The following RDX variants were observed in gnomAD, a reference collection of about 807,000 sequenced individuals.
The protein encoded by RDX is deafness, autosomal recessive 24.
A neutral mutation model predicts 83.7 loss-of-function variants in RDX; 32 were observed. The ratio of observed to expected loss-of-function variants is 0.38; its 90% CI spans 0.29 to 0.51. The LOEUF (loss-of-function observed/expected upper bound fraction) is 0.51, where lower values mean the gene tolerates loss of function less well. Among genes scored for constraint, RDX ranks in the 20% least tolerant of loss-of-function variants. RDX has a pLI of 0.87. For missense variants in RDX, 600 were observed against 689.9 expected, an observed-to-expected ratio of 0.87 and a Z score of 1.46; for synonymous variants, 229 against 222.7, an observed-to-expected ratio of 1.03 and a Z score of -0.25.
intron 10 of RDX, among the ~76,000 whole-genome samples, chr11:110,239,103 A>ACAT (rs1257672017): frequency 6.6e-6 from 1 of 152,036 alleles, no homozygotes; most frequent in Non-Finnish European, 1.5e-5. Flanking sequence ...ACAGAGTGAG[A>ACAT]CATCATCTCT....
intron 15 of RDX, among the ~76,000 whole-genome samples, chr11:110,178,978 G>A (rs559447990): frequency 3.7e-4 from 56 of 152,240 alleles, no homozygotes; most frequent in Non-Finnish European, 6.3e-4. Context: ...AAAGACATTC[G>A]AGTTTGGGGT....
chr11:110,182,796 T>C (rs1862913626), intron 15 of RDX, among the ~76,000 whole-genome samples: 1 of 152,170 alleles, frequency 6.6e-6, no homozygotes, highest in Non-Finnish European at 1.5e-5. Flanking sequence ...ACAGGACATA[T>C]GAATAGCATT....
At chr11:110,271,920 T>C (rs1283119434) in intron 3 of RDX, among the ~76,000 whole-genome samples, 1 of 152,144 alleles carries the variant, frequency 6.6e-6, no homozygotes, top group Non-Finnish European at 1.5e-5. Context: ...ACTCTGCAAA[T>C]GGAAAGTTCC....
intron 2 of RDX, among the ~76,000 whole-genome samples, chr11:110,278,643 T>C (rs1860615315): frequency 6.6e-6 from 1 of 152,170 alleles, no homozygotes; most frequent in African/African-American, 2.4e-5. Context: ...TATAGATTTA[T>C]GAGGATTTTC....
intron 3 of RDX, among the ~76,000 whole-genome samples, chr11:110,266,610 A>G (rs1275675140): frequency 6.6e-6 from 1 of 151,606 alleles, no homozygotes; most frequent in East Asian, 1.9e-4. Context: ...CTCTGTACCC[A>G]CAATGGAGTA....
chr11:110,217,827 G>A (rs1398945978), intron 14 of RDX, among the ~76,000 whole-genome samples: 1 of 151,390 alleles, frequency 6.6e-6, no homozygotes, highest in African/African-American at 2.4e-5. Context: ...TTAGCAAGAG[G>A]TTGGTCACTA....
At chr11:110,261,695 T>C (rs945590622) in intron 5 of RDX, among the ~76,000 whole-genome samples, 2 of 152,216 alleles carry the variant, frequency 1.3e-5, no homozygotes, top group African/African-American at 2.4e-5. Context: ...TAGTCCTCCA[T>C]GGAATATCAA....
intron 14 of RDX, chr11:110,199,730 T>C (rs1419526148): frequency 2.8e-6 from 2 of 702,760 alleles, no homozygotes; most frequent in African/African-American, 3.5e-5. Flanking sequence ...AAGAACACAG[T>C]AGGAAGCTGA....
chr11:110,229,357 A>T (rs980955047), downstream of RDX: 6 of 152,386 alleles, frequency 3.9e-5, no homozygotes, highest in African/African-American at 1.4e-4. Context: ...CTTACTTTTA[A>T]GTTGTGGTGA....
intron 7 of RDX, among the ~76,000 whole-genome samples, chr11:110,256,236 T>C (rs1859541582): frequency 1.3e-5 from 2 of 152,112 alleles, no homozygotes; most frequent in Admixed American, 1.3e-4. Flanking sequence ...ACAGCATGAA[T>C]TTTTACCTAT....
At chr11:110,258,934 C>T (rs1007709058) in intron 5 of RDX, among the ~76,000 whole-genome samples, 1 of 140,838 alleles carries the variant, frequency 7.1e-6, no homozygotes, top group East Asian at 2.2e-4. Flanking sequence ...TGCAGTGGCA[C>T]AATCTCGGTT....
chr11:110,258,039 A>C (rs1413524272), intron 6 of RDX, 67 bp downstream of exon 6: 1 of 1,474,264 alleles, frequency 6.8e-7, no homozygotes, highest in Non-Finnish European at 9.4e-7. Context: ...TAATGTAATA[A>C]TAAATGTTAC....
Position 110,219,148 on chromosome 11 carries a change from G to A in RDX, c.1748+12725C>T, listed in dbSNP as rs569869600. Among the ~76,000 whole-genome samples, 18 of 152,286 alleles carry A rather than the reference G, an allele frequency of 1.2e-4. 1 individual carries two copies. The South Asian group carries it at 3.7e-3, about 32-fold the overall frequency. On this transcript the variant is annotated intron_variant, in intron 14 of 15. Coordinates refer to the RDX transcript ENST00000528498. ...TGTAAAAGGCGGCCTCATTGAGGTG[G>A]CATTTAAGCAAATTCCTGGAGGTGG...
At position 110,224,226 on chromosome 11, in the gene RDX, A is replaced by C. The variant is rs7119107; in HGVS notation, c.1748+7647T>G. On this transcript the variant is annotated intron_variant, in intron 14 of 15. Coordinates refer to the RDX transcript ENST00000528498. ...AACTGTTTATATATATATATTAAAA[A>C]AAAAAAACAAAAAAACAAAACCCTT... Among the ~76,000 whole-genome samples, 1,424 of 151,836 alleles carry C rather than the reference A, an allele frequency of 9.4e-3. 32 individuals are homozygous for C. Among genetic ancestry groups the C allele is most frequent in the African/African-American group, 0.033 (1,355 of 41,466 alleles).
chr11:110,279,480 G>A (rs1276983276), intron 2 of RDX, among the ~76,000 whole-genome samples: 1 of 152,092 alleles, frequency 6.6e-6, no homozygotes, highest in Non-Finnish European at 1.5e-5. Flanking sequence ...GAGCCGACAT[G>A]GTCCCACTGC....
intron 3 of RDX, among the ~76,000 whole-genome samples, chr11:110,267,741 A>T (rs1860116836): frequency 2.0e-5 from 3 of 151,940 alleles, no homozygotes; most frequent in African/African-American, 7.3e-5. Flanking sequence ...AGGCAGGAGG[A>T]GCTCAGGAGT....
intron 3 of RDX, among the ~76,000 whole-genome samples, chr11:110,267,633 C>T (rs1860110972): frequency 6.6e-6 from 1 of 150,576 alleles, no homozygotes; most frequent in Non-Finnish European, 1.5e-5. Context: ...ATTTACTTTC[C>T]CACTCTTGAA....
intron 3 of RDX, 74 bp from the exon 4 acceptor site, chr11:110,264,948 C>A: frequency 9.4e-7 from 1 of 1,065,716 alleles, no homozygotes; most frequent in Non-Finnish European, 1.4e-6. Context: ...TACTACACTT[C>A]AAAAGGAGAA....
intron 1 of RDX, among the ~76,000 whole-genome samples, chr11:110,289,600 T>C (rs1182527652): frequency 6.6e-6 from 1 of 152,044 alleles, no homozygotes; most frequent in Non-Finnish European, 1.5e-5. Context: ...ATTTTCTATG[T>C]TCCCATTCTC....
Sources: gnomAD v4.1 joint callset for allele counts (sites outside exome capture counted in the v4.1 genomes callset) on GRCh38, gnomAD v4.1.1 for gene constraint, MANE v1.5 for transcripts, NCBI Gene and HGNC (gene_info 2026-07-23, HGNC 2026-07-21) for gene names.